Variants in MYO18B observed in about 807,000 individuals in gnomAD.
MYO18B encodes myosin XVIIIB, also known as unconventional myosin-XVIIIb.
A neutral mutation model predicts 273.0 loss-of-function variants in MYO18B; 204 were observed. The ratio of observed to expected loss-of-function variants is 0.75; its 90% confidence interval spans 0.67 to 0.84. The LOEUF is 0.84. MYO18B is among the 40% of genes least tolerant of loss of function. The pLI is 0.00. For synonymous variants in MYO18B, 1,330 were observed against 1,305.7 expected (o/e 1.02, Z -0.40); for missense variants, 3,212 against 3,287.6 (o/e 0.98, Z 0.56).
At chr22:25,874,144 C>A (rs2091124266) in intron 22 of MYO18B, 142 bp from the exon 23 acceptor site, 2 of 952,218 alleles carry the variant, frequency 2.1e-6, no homozygotes, top group Non-Finnish European at 3.2e-6. Context: ...AATTTAGACT[C>A]CCCCACCTCC....
chr22:25,890,073 TTAA>T (rs925381089), intron 25 of MYO18B, among the ~76,000 whole-genome samples: 12 of 152,260 alleles, frequency 7.9e-5, no homozygotes, highest in Admixed American at 7.2e-4. Context: ...CTTACCTTTA[TTAA>T]TTCCTTCCAA....
chr22:25,970,828 C>T lies in MYO18B; in HGVS notation c.6156+15464C>T, dbSNP rs146910897. On this transcript the variant is annotated intron_variant, in intron 39 of 43. Coordinates refer to ENST00000335473, the MANE Select transcript of MYO18B (RefSeq NM_032608.7). ...CCTGCTGGAGAGAGACTTAAACACT[C>T]AGGGGGAATCCTTCAGGCTCCTGCC... is the stretch of plus-strand genomic sequence containing the variant. Among the ~76,000 whole-genome samples, 595 of 148,878 alleles carry T rather than the reference C, an allele frequency of 4.0e-3. 4 individuals carry two copies. The highest frequency in any genetic ancestry group is 0.013 in the African/African-American group (525 of 39,350).
intron 9 of MYO18B, among the ~76,000 whole-genome samples, chr22:25,780,571 C>T (rs1453496780): frequency 8.0e-6 from 1 of 124,800 alleles, no homozygotes; most frequent in Admixed American, 9.0e-5. Context: ...GCCTGGGCAG[C>T]AAGAGCGAAA....
chr22:25,822,709 G>A (rs5996981), intron 12 of MYO18B, among the ~76,000 whole-genome samples: 29,869 of 152,192 alleles, frequency 0.2, 3,077 homozygotes, highest in Non-Finnish European at 0.21. Context: ...CGGCAGACTT[G>A]CGTCTTAAGA....
the MYO18B span, among the ~76,000 whole-genome samples, chr22:26,059,880 G>A: frequency 2.0e-5 from 3 of 152,226 alleles, no homozygotes; most frequent in Admixed American, 6.5e-5. Flanking sequence ...TGGAGAAGGT[G>A]TATGGCACTA....
In MYO18B at chr22:25,993,512, T is replaced by C. The variant is rs151017567; in HGVS notation, c.6287+1019T>C. The stretch of plus-strand genomic sequence containing the variant: ...TTCCTCTCTGCGAAGGCTGTTTTTT[T>C]CTGCAGCCAGGACAGTCAAACATCA... On this transcript the variant is annotated intron_variant, in intron 40 of 43. Coordinates refer to ENST00000335473, the MANE Select transcript of MYO18B (RefSeq NM_032608.7). 1.4e-3 allele frequency among the ~76,000 whole-genome samples: 213 copies of C among 152,336 alleles called. 4 individuals carry two copies. The South Asian group carries it at 0.025, about 18-fold the overall frequency.
chr22:25,971,258 C>T (rs958359487), intron 39 of MYO18B, among the ~76,000 whole-genome samples: 1 of 152,214 alleles, frequency 6.6e-6, no homozygotes, highest in African/African-American at 2.4e-5. Context: ...GCTCTATGCT[C>T]TGTTGGAAGA....
At chr22:25,992,691 A>C (rs1292522870) in intron 40 of MYO18B, among the ~76,000 whole-genome samples, 198 bp downstream of exon 40, 1 of 152,214 alleles carries the variant, frequency 6.6e-6, no homozygotes. Flanking sequence ...TGCTGTTGCT[A>C]AAACCTCTCA....
intron 39 of MYO18B, among the ~76,000 whole-genome samples, chr22:25,958,299 A>G (rs2146665337): frequency 6.6e-6 from 1 of 152,214 alleles, no homozygotes; most frequent in Admixed American, 6.5e-5. Flanking sequence ...AACCCACTAC[A>G]GAAGAGGAAG....
chr22:25,929,540 T>C (rs1383288480), intron 34 of MYO18B, among the ~76,000 whole-genome samples: 1 of 152,228 alleles, frequency 6.6e-6, no homozygotes, highest in African/African-American at 2.4e-5. Flanking sequence ...GGGCAGCAGT[T>C]GCTTTTTCTC....
chr22:26,044,904 A>G, the MYO18B span, among the ~76,000 whole-genome samples: 1 of 152,092 alleles, frequency 6.6e-6, no homozygotes, highest in Non-Finnish European at 1.5e-5. Context: ...TGGAATACCT[A>G]TTGTTGAGAT....
chr22:26,056,292 A>C, the MYO18B span, among the ~76,000 whole-genome samples: 585 of 152,348 alleles, frequency 3.8e-3, 1 homozygote, highest in African/African-American at 0.013. Context: ...TTCATAAAAT[A>C]AAATATCCAT....
chr22:25,798,033 G>A lies in MYO18B; in HGVS notation c.2457G>A (p.Glu819=), dbSNP rs186142724. The A allele has an allele frequency of 6.2e-7, 1 of 1,613,156 alleles. No individual in the cohort carries two copies. Among genetic ancestry groups the A allele is most frequent in the African/African-American group, 1.3e-5 (1 of 75,062 alleles). Residue 819 remains glutamate, a synonymous_variant, in exon 12 of 44, where the codon GAG becomes GAA. Transcript: ENST00000335473. ...AGATGCTCGGCATCTCAGAGAGCGA[G>A]CAGCGGGCTGTTTGGCGGGTCCTGG... The part of the protein sequence containing the change: ...AMEMLGISES[E]QRAVWRVLAA...
At position 25,809,679 on chromosome 22, in the gene MYO18B, G is replaced by A. The variant is rs143095057; in HGVS notation, c.2521+11582G>A. Among the ~76,000 whole-genome samples, 537 of 152,212 alleles carry A rather than the reference G, an allele frequency of 3.5e-3. 18 individuals carry two copies. The East Asian group carries it at 0.081, about 23-fold the overall frequency. ...GGGGCTGTAACTCAGGGAGCCAGGA[G>A]GTGCTCATGGGGAGGAGAGACAATA... On this transcript the variant is annotated intron_variant, in intron 12 of 43. Coordinates refer to ENST00000335473, the MANE Select transcript of MYO18B (RefSeq NM_032608.7).
At chr22:25,867,469 T>C (rs1420077659) in intron 21 of MYO18B, among the ~76,000 whole-genome samples, 2 of 152,250 alleles carry the variant, frequency 1.3e-5, no homozygotes, top group Non-Finnish European at 2.9e-5. Context: ...TCCTTCCTTT[T>C]TAAGGCTGAA....
intron 42 of MYO18B, among the ~76,000 whole-genome samples, chr22:26,016,152 C>T (rs1935310579): frequency 6.6e-6 from 1 of 152,298 alleles, no homozygotes; most frequent in South Asian, 2.1e-4. Flanking sequence ...GCATTAAATT[C>T]ACTTAAATAT....
rs1236919173 is a variant in MYO18B, at chr22:25,869,471, AAAG to A, written c.3951+1090_3951+1092del. Among the ~76,000 whole-genome samples the A allele has an allele frequency of 1.4e-3, 188 of 135,534 alleles. 4 individuals carry two copies. Among genetic ancestry groups the A allele is most frequent in the East Asian group, 2.7e-3 (11 of 4,076 alleles). The allele number at this position is 135,534 out of a possible 152,430, so 88.9% of individuals were successfully genotyped here. A position where few individuals can be genotyped will look rare whatever the true frequency, so the allele number is the denominator to read the frequency against. On this transcript the variant is annotated intron_variant, in intron 22 of 43. Transcript: ENST00000335473. ...TCTCAAAAAAAAAAAAAAAAAAAAA[AAAG>A]AAGGAAGGAAGGAAGGAAGGAGGGA...
At chr22:25,814,294 CTTTTTTTTTTTTTTTTTTTTTTTTTTTT>C (rs398036691) in intron 12 of MYO18B, among the ~76,000 whole-genome samples, 12 of 59,430 alleles carry the variant, frequency 2.0e-4, no homozygotes, top group African/African-American at 6.0e-4. Context: ...AGGCACCGTT[CTTTTTTTTTTTTTTTTTTTTTTTTTTTT>C]TTTTTTTTTT....
intron 39 of MYO18B, among the ~76,000 whole-genome samples, chr22:25,956,896 C>T (rs565478557): frequency 2.6e-5 from 4 of 152,298 alleles, no homozygotes; most frequent in East Asian, 1.9e-4. Context: ...CTTTCACAGC[C>T]GGTGTCATCC....
Sources: gnomAD v4.1 joint callset for allele counts (sites outside exome capture counted in the v4.1 genomes callset) on GRCh38, gnomAD v4.1.1 for gene constraint, MANE v1.5 for transcripts, NCBI Gene and HGNC (gene_info 2026-07-23, HGNC 2026-07-21) for gene names.